The following ENOX1 variants were observed in gnomAD, a reference collection of about 807,000 sequenced individuals.
The protein encoded by ENOX1 is candidate growth-related and time keeping constitutive hydroquinone (NADH) oxidase.
In ENOX1, 42 loss-of-function variants were observed where a neutral mutation model predicts 82.5. The observed-to-expected ratio is 0.51, with a 90% CI of 0.40 to 0.66. ENOX1 has a LOEUF of 0.66. Among genes scored for constraint, ENOX1 ranks in the 30% least tolerant of loss-of-function variants. The probability of loss-of-function intolerance (pLI) is 0.00; values close to 1 mark genes in which losing one functional copy is unlikely to be tolerated. For missense variants in ENOX1, 608 were observed against 811.6 expected (o/e 0.75, Z 3.05); for synonymous variants, 271 against 282.2 (o/e 0.96, Z 0.40).
chr13:43,369,768 C>G (rs1451514028), intron 5 of ENOX1, among the ~76,000 whole-genome samples: 1 of 152,240 alleles, frequency 6.6e-6, no homozygotes, highest in African/African-American at 2.4e-5. Flanking sequence ...CCTGTTCCTT[C>G]TAATTCACCA....
intron 3 of ENOX1, among the ~76,000 whole-genome samples, chr13:43,433,290 C>T (rs1566206215): frequency 6.6e-6 from 1 of 152,130 alleles, no homozygotes; most frequent in Non-Finnish European, 1.5e-5. Context: ...GAACATTCCT[C>T]AGTGAACTAA....
chr13:43,721,159 G>A (rs548376747), intron 1 of ENOX1, among the ~76,000 whole-genome samples: 41 of 152,234 alleles, frequency 2.7e-4, no homozygotes, highest in Middle Eastern at 6.8e-3. Flanking sequence ...GTTTGGTAAG[G>A]ACGGAGTTGT....
At chr13:43,488,158 C>A (rs2076496780) in intron 2 of ENOX1, among the ~76,000 whole-genome samples, 1 of 152,114 alleles carries the variant, frequency 6.6e-6, no homozygotes, top group Non-Finnish European at 1.5e-5. Context: ...AAGGAGAGTT[C>A]TATGGTTGAA....
chr13:43,490,196 C>T (rs897567280), intron 2 of ENOX1, among the ~76,000 whole-genome samples: 2 of 152,178 alleles, frequency 1.3e-5, no homozygotes, highest in Non-Finnish European at 2.9e-5. Context: ...CCTGCCTCGG[C>T]CTCCCAAAGT....
chr13:43,364,875 G>A (rs1437998661), intron 5 of ENOX1, among the ~76,000 whole-genome samples: 1 of 152,198 alleles, frequency 6.6e-6, no homozygotes, highest in Non-Finnish European at 1.5e-5. Context: ...AGTCCAGGAA[G>A]GGAATTGCTG....
At chr13:43,259,121 C>T (rs1280795256) in intron 14 of ENOX1, among the ~76,000 whole-genome samples, 3 of 152,158 alleles carry the variant, frequency 2.0e-5, no homozygotes, top group Admixed American at 6.5e-5. Context: ...GCTCACAGTA[C>T]CCTATGAGGT....
intron 1 of ENOX1, among the ~76,000 whole-genome samples, chr13:43,743,646 G>A (rs1949871760): frequency 6.6e-6 from 1 of 152,292 alleles, no homozygotes; most frequent in Non-Finnish European, 1.5e-5. Flanking sequence ...AAGAGAGGCA[G>A]GTAAAGCAGG....
intron 3 of ENOX1, among the ~76,000 whole-genome samples, chr13:43,438,380 G>A (rs1300067340): frequency 6.6e-6 from 1 of 152,122 alleles, no homozygotes; most frequent in Non-Finnish European, 1.5e-5. Context: ...GGTACTTCTG[G>A]AGACAGAAGA....
At chr13:43,413,185 G>A (rs2054238402) in intron 3 of ENOX1, among the ~76,000 whole-genome samples, 197 bp from the exon 4 acceptor site, 2 of 152,142 alleles carry the variant, frequency 1.3e-5, no homozygotes, top group Admixed American at 1.3e-4. Flanking sequence ...TGAGATGTGT[G>A]GGTCAACTCA....
intron 2 of ENOX1, chr13:43,545,427 T>A (rs957448399): frequency 2.6e-5 from 4 of 152,250 alleles, no homozygotes; most frequent in African/African-American, 9.6e-5. Context: ...AGATTCTTTG[T>A]TTCCTCTCTC....
At chr13:43,452,486 T>C (rs2057020710) in intron 3 of ENOX1, among the ~76,000 whole-genome samples, 1 of 152,198 alleles carries the variant, frequency 6.6e-6, no homozygotes, top group Non-Finnish European at 1.5e-5. Context: ...TTCCATGGTG[T>C]ATATGTGCCA....
chr13:43,661,054 C>T (rs139203016), intron 2 of ENOX1, among the ~76,000 whole-genome samples: 56 of 152,124 alleles, frequency 3.7e-4, no homozygotes, highest in East Asian at 2.3e-3. Context: ...TGCATTTTTT[C>T]GTGATGTTCA....
intron 2 of ENOX1, among the ~76,000 whole-genome samples, chr13:43,655,113 C>T (rs993922217): frequency 7.9e-5 from 12 of 152,168 alleles, no homozygotes; most frequent in Middle Eastern, 3.2e-3. Flanking sequence ...TGCCTCCTTC[C>T]TTGACCTCTA....
intron 1 of ENOX1, among the ~76,000 whole-genome samples, chr13:43,733,715 T>G (rs1341950895): frequency 6.6e-6 from 1 of 152,148 alleles, no homozygotes; most frequent in Admixed American, 6.6e-5. Flanking sequence ...TTATTAAAGG[T>G]TGAATTGTGT....
At chr13:43,578,806 A>G (rs1359878436) in intron 2 of ENOX1, among the ~76,000 whole-genome samples, 1 of 152,212 alleles carries the variant, frequency 6.6e-6, no homozygotes, top group East Asian at 1.9e-4. Context: ...ATCAATGAAC[A>G]CAAAATCAAA....
At chr13:43,575,815 A>G (rs1038549296) in intron 2 of ENOX1, among the ~76,000 whole-genome samples, 2 of 152,188 alleles carry the variant, frequency 1.3e-5, no homozygotes, top group Non-Finnish European at 2.9e-5. Flanking sequence ...TGTAAAGTCA[A>G]CCAACACAAG....
At position 43,624,731 on chromosome 13, in the gene ENOX1, C is replaced by T. The variant is rs373389709; in HGVS notation, c.-219+42748G>A. On this transcript the variant is annotated intron_variant, in intron 2 of 16. Coordinates refer to ENST00000690772, the MANE Select transcript of ENOX1 (RefSeq NM_001347969.2). Reference sequence around the variant, plus strand: ...CTGTTCATATTTGTGTGGGTCTTTACCTGTGTTCTCTATTTTCTTACAGTG... The same window carrying T: ...CTGTTCATATTTGTGTGGGTCTTTATCTGTGTTCTCTATTTTCTTACAGTG... Among the ~76,000 whole-genome samples, 31 of 152,174 alleles carry T rather than the reference C, an allele frequency of 2.0e-4. No individual in the cohort carries two copies. The East Asian group carries it at 3.3e-3, about 16-fold the overall frequency.
intron 2 of ENOX1, among the ~76,000 whole-genome samples, chr13:43,489,170 C>T (rs1393501662): frequency 7.2e-5 from 11 of 152,158 alleles, no homozygotes; most frequent in Non-Finnish European, 1.5e-5. Flanking sequence ...ATCTTTGAGG[C>T]TGCCCCTCCC....
At position 43,342,402 on chromosome 13, in the gene ENOX1, A is replaced by G. The variant is rs192126606; in HGVS notation, c.1036+2136T>C. Among the ~76,000 whole-genome samples, 10 of 152,266 alleles carry G rather than the reference A, an allele frequency of 6.6e-5. No homozygotes were observed. In the East Asian group the frequency reaches 1.5e-3, roughly 24 times the overall value. ...AAAAAGTACAAGACTTTGGCTTGAG[A>G]ATTTATGAGAATGGGAAGGAAAAAC... On this transcript the variant is annotated intron_variant, in intron 9 of 16. Transcript: ENST00000690772.
Sources: gnomAD v4.1 joint callset for allele counts (sites outside exome capture counted in the v4.1 genomes callset) on GRCh38, gnomAD v4.1.1 for gene constraint, MANE v1.5 for transcripts, NCBI Gene and HGNC (gene_info 2026-07-23, HGNC 2026-07-21) for gene names.